The following SAMD5 variants were observed in gnomAD, a reference collection of about 807,000 sequenced individuals.
SAMD5 encodes the protein sterile alpha motif domain containing 5.
SAMD5 carries 13 observed loss-of-function variants against 11.3 expected under a neutral mutation model. The observed-to-expected ratio is 1.15, with a 90% CI of 0.75 to 1.83. The LOEUF (loss-of-function observed/expected upper bound fraction) is 1.83, where lower values mean the gene tolerates loss of function less well. Ranked by LOEUF, SAMD5 falls within the 40% of genes most tolerant of loss-of-function variation. SAMD5 has a pLI of 0.00. For synonymous variants in SAMD5, 129 were observed against 111.3 expected (o/e 1.16, Z -1.00); for missense variants, 255 against 239.1 (o/e 1.07, Z -0.44).
intron 1 of SAMD5, among the ~76,000 whole-genome samples, chr6:147,614,341 C>T (rs1367909271): frequency 6.6e-6 from 1 of 151,662 alleles, no homozygotes; most frequent in East Asian, 1.9e-4. Flanking sequence ...TGGCGGTGGG[C>T]ACCTGTAGTC....
At chr6:147,651,939 G>C (rs1790491311) in intron 1 of SAMD5, among the ~76,000 whole-genome samples, 1 of 139,656 alleles carries the variant, frequency 7.2e-6, no homozygotes, top group Non-Finnish European at 1.6e-5. Flanking sequence ...GTGGGGGTCG[G>C]AGTCCCACAG....
chr6:147,803,414 C>T, the SAMD5 span, among the ~76,000 whole-genome samples: 1 of 152,180 alleles, frequency 6.6e-6, no homozygotes, highest in African/African-American at 2.4e-5. Context: ...ACACAATGTT[C>T]CTGCCTCTAG....
the SAMD5 span, among the ~76,000 whole-genome samples, chr6:147,934,661 G>C: frequency 6.6e-6 from 1 of 152,064 alleles, no homozygotes; most frequent in African/African-American, 2.4e-5. Context: ...AGAGGATTGA[G>C]AGAGAGAGGG....
the SAMD5 span, among the ~76,000 whole-genome samples, chr6:147,875,725 C>T: frequency 2.6e-5 from 4 of 152,026 alleles, no homozygotes; most frequent in Non-Finnish European, 5.9e-5. Context: ...GGAGTGTGAA[C>T]CCTATTGTGA....
chr6:147,907,513 CTG>C, the SAMD5 span, among the ~76,000 whole-genome samples: 1 of 152,326 alleles, frequency 6.6e-6, no homozygotes, highest in Middle Eastern at 3.4e-3. Flanking sequence ...GGGAATATCT[CTG>C]TGTTCACGTG....
intron 1 of SAMD5, among the ~76,000 whole-genome samples, chr6:147,673,274 C>T (rs1031798475): frequency 4.0e-5 from 6 of 151,548 alleles, no homozygotes; most frequent in Admixed American, 2.6e-4. Flanking sequence ...AGTGCAGTGG[C>T]GTGATCTCTG....
intron 1 of SAMD5, among the ~76,000 whole-genome samples, chr6:147,600,860 T>A (rs1789604220): frequency 6.6e-6 from 1 of 152,184 alleles, no homozygotes; most frequent in Non-Finnish European, 1.5e-5. Context: ...CGAATCAGCT[T>A]CCTTAAGGAA....
the SAMD5 span, among the ~76,000 whole-genome samples, chr6:147,805,972 A>G: frequency 6.6e-6 from 1 of 152,114 alleles, no homozygotes. Context: ...AGGTTTTGTT[A>G]TTATGATCAG....
intron 1 of SAMD5, among the ~76,000 whole-genome samples, chr6:147,651,046 G>A (rs944709592): frequency 2.0e-4 from 30 of 152,146 alleles, no homozygotes; most frequent in Non-Finnish European, 1.6e-4. Flanking sequence ...ATGACATTTT[G>A]AAATGTATTC....
intron 1 of SAMD5, among the ~76,000 whole-genome samples, chr6:147,728,156 C>G (rs1169124973): frequency 1.3e-5 from 2 of 151,814 alleles, no homozygotes; most frequent in Non-Finnish European, 1.5e-5. Flanking sequence ...CTGGGCCCAG[C>G]GGCTCACACC....
intron 1 of SAMD5, chr6:147,692,564 C>T (rs1157426928): frequency 6.6e-6 from 1 of 152,170 alleles, no homozygotes; most frequent in African/African-American, 2.4e-5. Context: ...TTGATATCAC[C>T]ATAGGACACA....
the SAMD5 span, among the ~76,000 whole-genome samples, chr6:147,880,974 A>T: frequency 6.6e-6 from 1 of 152,202 alleles, no homozygotes; most frequent in South Asian, 2.1e-4. Context: ...TACCCTAGAC[A>T]CTGGGGTAGA....
At chr6:147,703,110 C>T (rs1193078520) in intron 1 of SAMD5, among the ~76,000 whole-genome samples, 2 of 152,090 alleles carry the variant, frequency 1.3e-5, no homozygotes, top group Non-Finnish European at 2.9e-5. Flanking sequence ...CTCTGTCACC[C>T]AGGCTGGAGT....
the SAMD5 span, among the ~76,000 whole-genome samples, chr6:147,869,994 T>A: frequency 6.6e-6 from 1 of 152,146 alleles, no homozygotes; most frequent in Non-Finnish European, 1.5e-5. Flanking sequence ...GGATTATAGA[T>A]GTGAGCCACC....
At chr6:147,880,267 C>CCTCT in the SAMD5 span, among the ~76,000 whole-genome samples, 6 of 149,284 alleles carry the variant, frequency 4.0e-5, no homozygotes, top group Admixed American at 6.7e-5. Context: ...CAAGTCAGTT[C>CCTCT]CTCTCTCTCT....
At chr6:147,624,136 C>T (rs2128450559) in intron 1 of SAMD5, among the ~76,000 whole-genome samples, 1 of 152,332 alleles carries the variant, frequency 6.6e-6, no homozygotes, top group African/African-American at 2.4e-5. Flanking sequence ...TCTCAAAGTG[C>T]TGGGATTACA....
chr6:147,685,099 A>G (rs1052530920), intron 1 of SAMD5, among the ~76,000 whole-genome samples: 14 of 152,312 alleles, frequency 9.2e-5, no homozygotes, highest in Admixed American at 5.2e-4. Flanking sequence ...GCAAATTGTC[A>G]TACTCCTTTC....
At chr6:147,838,526 A>T in the SAMD5 span, among the ~76,000 whole-genome samples, 1 of 127,436 alleles carries the variant, frequency 7.8e-6, no homozygotes, top group African/African-American at 3.3e-5. Context: ...AACTAAGAAT[A>T]TCCTGCCCCC....
intron 1 of SAMD5, among the ~76,000 whole-genome samples, chr6:147,682,486 G>A (rs1230803224): frequency 2.0e-5 from 3 of 152,072 alleles, no homozygotes; most frequent in Admixed American, 6.6e-5. Context: ...AGGTGCACCC[G>A]AGAGGATTTA....
Sources: gnomAD v4.1 joint callset for allele counts (sites outside exome capture counted in the v4.1 genomes callset) on GRCh38, gnomAD v4.1.1 for gene constraint, MANE v1.5 for transcripts, NCBI Gene and HGNC (gene_info 2026-07-23, HGNC 2026-07-21) for gene names.